The following RUNX1 variants were observed in gnomAD, a reference collection of about 807,000 sequenced individuals.
The protein encoded by RUNX1 is runt-related transcription factor 1.
RUNX1 carries 19 observed loss-of-function variants against 42.8 expected under a neutral mutation model. That is an observed-to-expected ratio of 0.44 (90% CI 0.31 to 0.65). The LOEUF (loss-of-function observed/expected upper bound fraction) is 0.65, where lower values mean the gene tolerates loss of function less well. Ranked by LOEUF, RUNX1 falls within the 30% of genes least tolerant of loss-of-function variation. RUNX1 has a pLI of 0.07. For missense variants in RUNX1, 528 were observed against 672.0 expected (o/e 0.79, Z 2.37); for synonymous variants, 271 against 289.4 (o/e 0.94, Z 0.64).
chr21:34,976,241 T>G (rs1569133750), intron 2 of RUNX1, among the ~76,000 whole-genome samples: 1 of 152,126 alleles, frequency 6.6e-6, no homozygotes. Flanking sequence ...CATTTTGAAG[T>G]TAGTATTTAT....
intron 2 of RUNX1, among the ~76,000 whole-genome samples, chr21:34,928,939 G>T (rs1401221167): frequency 1.6e-5 from 2 of 125,324 alleles, no homozygotes; most frequent in Admixed American, 1.8e-4. Flanking sequence ...AGTATTGCAA[G>T]CTTATTTCTA....
chr21:35,001,306 TTTTATA>T (rs1037715559), intron 2 of RUNX1, among the ~76,000 whole-genome samples: 12 of 68,794 alleles, frequency 1.7e-4, no homozygotes, highest in Middle Eastern at 7.0e-3. Context: ...TGAGTTATGG[TTTTATA>T]TATATATATA....
At chr21:34,984,211 T>C (rs934017278) in intron 2 of RUNX1, among the ~76,000 whole-genome samples, 2 of 150,822 alleles carry the variant, frequency 1.3e-5, no homozygotes, top group East Asian at 1.9e-4. Flanking sequence ...GAAGGAAGAG[T>C]AGCTAGAGAA....
At chr21:34,822,617 C>T (rs368397071) in intron 7 of RUNX1, among the ~76,000 whole-genome samples, 19 of 152,076 alleles carry the variant, frequency 1.2e-4, no homozygotes, top group African/African-American at 3.1e-4. Context: ...TTCCACATAG[C>T]GGGTGATTTA....
At chr21:35,000,795 G>C (rs557307678) in intron 2 of RUNX1, among the ~76,000 whole-genome samples, 14 of 152,224 alleles carry the variant, frequency 9.2e-5, no homozygotes, top group African/African-American at 3.4e-4. Context: ...TCTGAGTTCT[G>C]TTCCAGGGAA....
At chr21:34,855,391 A>C (rs1394553299) in intron 6 of RUNX1, among the ~76,000 whole-genome samples, 1 of 152,138 alleles carries the variant, frequency 6.6e-6, no homozygotes, top group East Asian at 1.9e-4. Flanking sequence ...AGATCCTAGA[A>C]ATATAAAACA....
chr21:34,819,462 T>C (rs955911758), intron 7 of RUNX1, among the ~76,000 whole-genome samples: 1 of 152,110 alleles, frequency 6.6e-6, no homozygotes, highest in African/African-American at 2.4e-5. Context: ...AGTCACCAAG[T>C]CTTAGTGAAG....
intron 5 of RUNX1, among the ~76,000 whole-genome samples, chr21:34,878,705 C>A (rs1019181235): frequency 1.3e-5 from 2 of 152,148 alleles, no homozygotes; most frequent in African/African-American, 4.8e-5. Context: ...CAAGTAAACA[C>A]AAGCACCTAT....
At chr21:34,837,693 G>A (rs139563574) in intron 6 of RUNX1, among the ~76,000 whole-genome samples, 4,466 of 152,238 alleles carry the variant, frequency 0.029, 78 homozygotes, top group African/African-American at 0.047. Flanking sequence ...GGGCAACAGG[G>A]AATTCGACCC....
In RUNX1 at chr21:34,792,609, C is replaced by G. The variant is rs768331461; in HGVS notation, c.969G>C (p.Thr323=). ...LSAELSSRLS[T]APDLTAFSDP... is the part of the protein sequence containing the mutation. ...CGCTGAACGCTGTCAGGTCGGGTGCCGCTGCAGGGCGGGCAAGAGAACGGA... is the reference window on the plus strand; with the variant it reads ...CGCTGAACGCTGTCAGGTCGGGTGCGGCTGCAGGGCGGGCAAGAGAACGGA... Residue 323 remains threonine, a splice_region_variant and synonymous_variant, in exon 9 of 9, where the codon ACG becomes ACC. Coordinates refer to ENST00000675419, the MANE Select transcript of RUNX1 (RefSeq NM_001754.5). The surrounding 1 kb of genome is among the most constrained non-coding windows in gnomAD (Gnocchi z 6.9). 5.7e-6 allele frequency: 9 copies of G among 1,582,552 alleles called. No homozygotes were observed. The highest frequency in any genetic ancestry group is 1.8e-5 in the Admixed American group (1 of 55,346).
chr21:34,966,485 T>C (rs1394766527), intron 2 of RUNX1, among the ~76,000 whole-genome samples: 1 of 152,146 alleles, frequency 6.6e-6, no homozygotes, highest in African/African-American at 2.4e-5. Flanking sequence ...GAGAAGAAGA[T>C]GCTTTGGTTT....
intron 2 of RUNX1, among the ~76,000 whole-genome samples, chr21:35,013,646 C>T (rs1368473093): frequency 6.6e-6 from 1 of 152,198 alleles, no homozygotes; most frequent in African/African-American, 2.4e-5. Context: ...TATAAGTTGG[C>T]ACAGCCTTTC....
intron 2 of RUNX1, among the ~76,000 whole-genome samples, chr21:35,018,961 A>T (rs894514333): frequency 3.3e-5 from 5 of 152,212 alleles, no homozygotes; most frequent in African/African-American, 9.6e-5. Flanking sequence ...AGCCAACGTT[A>T]GTTGTTCGAA....
intron 2 of RUNX1, among the ~76,000 whole-genome samples, chr21:34,936,247 T>G: frequency 6.6e-6 from 1 of 151,688 alleles, no homozygotes; most frequent in Non-Finnish European, 1.5e-5. Flanking sequence ...TCATTTGTGA[T>G]AACTACTTAG....
chr21:34,967,574 A>C (rs1440749679), intron 2 of RUNX1, among the ~76,000 whole-genome samples: 1 of 152,088 alleles, frequency 6.6e-6, no homozygotes, highest in Non-Finnish European at 1.5e-5. Context: ...GAAAAGGTCT[A>C]ATGTAGTGTT....
At chr21:34,973,776 G>C (rs2058779513) in intron 2 of RUNX1, among the ~76,000 whole-genome samples, 1 of 152,128 alleles carries the variant, frequency 6.6e-6, no homozygotes, top group Admixed American at 6.5e-5. Context: ...AGCTTCTAAG[G>C]AACATTTTAA....
intron 2 of RUNX1, among the ~76,000 whole-genome samples, chr21:34,953,701 A>T (rs1247014341): frequency 6.6e-6 from 1 of 152,248 alleles, no homozygotes; most frequent in Non-Finnish European, 1.5e-5. Context: ...GTTACAGGAA[A>T]GCTGGAAAAG....
At chr21:34,940,657 G>A (rs1371900026) in intron 2 of RUNX1, among the ~76,000 whole-genome samples, 1 of 152,172 alleles carries the variant, frequency 6.6e-6, no homozygotes, top group Non-Finnish European at 1.5e-5. Context: ...TTTATTCTAG[G>A]AGCAAAAGGC....
At chr21:34,876,447 G>A (rs1015943666) in intron 5 of RUNX1, among the ~76,000 whole-genome samples, 1 of 152,186 alleles carries the variant, frequency 6.6e-6, no homozygotes, top group Admixed American at 6.5e-5. Flanking sequence ...TCAATGCAAA[G>A]TTCCAAATTC....
Sources: gnomAD v4.1 joint callset for allele counts (sites outside exome capture counted in the v4.1 genomes callset) on GRCh38, gnomAD v4.1.1 for gene constraint, Gnocchi (gnomAD v3.1) non-coding constraint, MANE v1.5 for transcripts, NCBI Gene and HGNC (gene_info 2026-07-23, HGNC 2026-07-21) for gene names.